The following LINGO2 variants were observed in gnomAD, a reference collection of about 807,000 sequenced individuals.
LINGO2 encodes the protein leucine rich repeat and Ig domain containing 2, also known as leucine-rich repeat and immunoglobulin-like domain-containing nogo receptor-interacting protein 2.
In LINGO2, 14 loss-of-function variants were observed where a neutral mutation model predicts 30.6. The ratio of observed to expected loss-of-function variants is 0.46; its 90% confidence interval spans 0.30 to 0.72. The LOEUF is 0.72. Ranked by LOEUF, LINGO2 falls within the 30% of genes least tolerant of loss-of-function variation. The probability of loss-of-function intolerance (pLI) is 0.07; values close to 1 mark genes in which losing one functional copy is unlikely to be tolerated. For missense variants in LINGO2, 729 were observed against 751.7 expected (o/e 0.97, Z 0.35); for synonymous variants, 317 against 288.5 (o/e 1.10, Z -1.00).
At chr9:28,796,669 A>T in the LINGO2 span, among the ~76,000 whole-genome samples, 3 of 152,064 alleles carry the variant, frequency 2.0e-5, no homozygotes, top group Admixed American at 6.6e-5. Context: ...AAGAGGGAGG[A>T]CATGTGTTTC....
chr9:28,422,577 G>T (rs570136698), intron 2 of LINGO2, among the ~76,000 whole-genome samples: 1 of 152,036 alleles, frequency 6.6e-6, no homozygotes, highest in African/African-American at 2.4e-5. Flanking sequence ...GTTAGTAGGG[G>T]TGTAAAATGG....
chr9:28,433,908 A>T (rs985458749), intron 2 of LINGO2, among the ~76,000 whole-genome samples: 9 of 130,152 alleles, frequency 6.9e-5, no homozygotes, highest in African/African-American at 2.5e-4. Context: ...TGGATAAAGA[A>T]AATGTGCTCT....
intron 1 of LINGO2, among the ~76,000 whole-genome samples, chr9:28,614,821 T>G (rs1314268507): frequency 6.6e-6 from 1 of 152,082 alleles, no homozygotes; most frequent in African/African-American, 2.4e-5. Flanking sequence ...CAAGTTTTAA[T>G]GTTACAGTCA....
At chr9:28,416,860 A>G (rs566472809) in intron 2 of LINGO2, among the ~76,000 whole-genome samples, 1 of 152,318 alleles carries the variant, frequency 6.6e-6, no homozygotes, top group Admixed American at 6.5e-5. Flanking sequence ...TTTTAATCTA[A>G]TGTATACATT....
intron 4 of LINGO2, among the ~76,000 whole-genome samples, chr9:28,146,151 C>T (rs1185824313): frequency 6.6e-6 from 1 of 152,214 alleles, no homozygotes; most frequent in East Asian, 1.9e-4. Context: ...TCGTTATGAA[C>T]TGCTAGCTGT....
the LINGO2 span, among the ~76,000 whole-genome samples, chr9:28,990,061 C>T: frequency 6.6e-6 from 1 of 152,324 alleles, no homozygotes. Flanking sequence ...GGTTGCAGTG[C>T]ACCATGCGTG....
intron 4 of LINGO2, among the ~76,000 whole-genome samples, chr9:28,078,573 G>T (rs1052121535): frequency 6.7e-6 from 1 of 148,380 alleles, no homozygotes; most frequent in South Asian, 2.1e-4. Context: ...AGACTCTGCC[G>T]GGCGTGGTGG....
intron 3 of LINGO2, among the ~76,000 whole-genome samples, chr9:28,316,839 A>C (rs1049785283): frequency 1.4e-4 from 21 of 152,164 alleles, no homozygotes; most frequent in African/African-American, 5.1e-4. Context: ...GATTAGTAAA[A>C]ATTAGGATGA....
At chr9:27,949,551 T>G in exon 6 of LINGO2, 1 of 1,614,084 alleles carries the variant, frequency 6.2e-7, no homozygotes, top group Non-Finnish European at 8.5e-7. Context: ...GCCACCAAAC[T>G]GCAGGGTGGG....
In LINGO2 at chr9:28,234,144, G is replaced by A. The variant is rs542179980; in HGVS notation, c.-87+61064C>T. 1.1e-3 allele frequency among the ~76,000 whole-genome samples: 166 copies of A among 152,224 alleles called. 1 individual carries two copies. The highest frequency in any genetic ancestry group is 3.8e-3 in the African/African-American group (159 of 41,544). Reference sequence around the variant, plus strand: ...ACCAGCAGATTCTTGGGGTCCTGGAGTCCAGGCCTAGACTCTTAGGCAGCA... The same window carrying A: ...ACCAGCAGATTCTTGGGGTCCTGGAATCCAGGCCTAGACTCTTAGGCAGCA... On this transcript the variant is annotated intron_variant, in intron 4 of 5. Coordinates refer to ENST00000379992, the Ensembl canonical transcript of LINGO2.
At chr9:28,950,285 A>G in the LINGO2 span, among the ~76,000 whole-genome samples, 1 of 152,196 alleles carries the variant, frequency 6.6e-6, no homozygotes, top group Non-Finnish European at 1.5e-5. Context: ...CACAGCCAAT[A>G]TCATATGGAA....
the LINGO2 span, among the ~76,000 whole-genome samples, chr9:29,003,664 A>T: frequency 6.6e-6 from 1 of 151,938 alleles, no homozygotes; most frequent in South Asian, 2.1e-4. Flanking sequence ...GGAATACTAT[A>T]CGGTCTTAAT....
intron 1 of LINGO2, among the ~76,000 whole-genome samples, chr9:28,658,679 T>A (rs1828462008): frequency 1.3e-5 from 2 of 152,116 alleles, no homozygotes; most frequent in African/African-American, 4.8e-5. Context: ...TTTAATACAA[T>A]CCACTAATAT....
chr9:28,979,009 A>G, the LINGO2 span, among the ~76,000 whole-genome samples: 1 of 152,072 alleles, frequency 6.6e-6, no homozygotes, highest in Non-Finnish European at 1.5e-5. Flanking sequence ...ACTGAGCACT[A>G]AAAAACAGAA....
rs1309282260 is a variant in LINGO2 at position 28,005,689 on chromosome 9, G to T, written c.-36+6666C>A. Reference sequence around the variant, plus strand: ...TTTCAGTCTGAGATTCATTTCAGCCGATGAGGGAAGTAAAAATGGCAATGA... The same window carrying T: ...TTTCAGTCTGAGATTCATTTCAGCCTATGAGGGAAGTAAAAATGGCAATGA... On this transcript the variant is annotated intron_variant, in intron 5 of 5. Coordinates refer to ENST00000379992, the Ensembl canonical transcript of LINGO2. Among the ~76,000 whole-genome samples the T allele has an allele frequency of 3.3e-5, 5 of 152,180 alleles. No homozygotes were observed. The East Asian group carries it at 7.7e-4, about 24-fold the overall frequency.
At chr9:28,736,816 AC>A in the LINGO2 span, among the ~76,000 whole-genome samples, 3 of 152,142 alleles carry the variant, frequency 2.0e-5, no homozygotes, top group African/African-American at 7.2e-5. Flanking sequence ...ATACATATAT[AC>A]ATACATACAT....
At chr9:28,764,366 T>A in the LINGO2 span, among the ~76,000 whole-genome samples, 1 of 151,970 alleles carries the variant, frequency 6.6e-6, no homozygotes, top group Non-Finnish European at 1.5e-5. Context: ...TGCAAATCAA[T>A]GTGATATACC....
At chr9:28,192,234 G>A (rs1314591047) in intron 4 of LINGO2, among the ~76,000 whole-genome samples, 6 of 151,844 alleles carry the variant, frequency 4.0e-5, no homozygotes, top group African/African-American at 1.5e-4. Context: ...CATGCTCATA[G>A]TCACAAATAT....
At chr9:28,979,772 T>A in the LINGO2 span, among the ~76,000 whole-genome samples, 98,944 of 151,994 alleles carry the variant, frequency 0.65, 32,812 homozygotes, top group Non-Finnish European at 0.72. Context: ...GTCCATTGAA[T>A]CGTGTGCTGG....
Sources: allele counts gnomAD v4.1 joint callset (sites outside exome capture counted in the v4.1 genomes callset), GRCh38; gene constraint gnomAD v4.1.1; transcripts MANE v1.5; gene names NCBI Gene and HGNC (gene_info 2026-07-23, HGNC 2026-07-21).